Variants in AGO1 observed in about 807,000 individuals in gnomAD.
AGO1 encodes the protein argonaute RISC component 1.
In AGO1, 11 loss-of-function variants were observed where a neutral mutation model predicts 109.2. That is an observed-to-expected ratio of 0.10 (90% confidence interval 0.06 to 0.17). AGO1 has a LOEUF of 0.17. AGO1 is among the 10% of genes least tolerant of loss of function. AGO1 has a pLI of 1.00. For missense variants in AGO1, 574 were observed against 1,140.3 expected, an observed-to-expected ratio of 0.50 and a Z score of 7.15; for synonymous variants, 422 against 418.6, an observed-to-expected ratio of 1.01 and a Z score of -0.10.
chr1:35,914,921 A>G (rs1225288760), intron 14 of AGO1, among the ~76,000 whole-genome samples: 1 of 152,180 alleles, frequency 6.6e-6, no homozygotes, highest in Admixed American at 6.5e-5. Context: ...CCACAAGAAC[A>G]CTGTTACTAT....
rs1645828797 is a variant in AGO1 at position 35,921,330 on chromosome 1, T to C, written c.*1723T>C. On this transcript the variant is annotated 3_prime_UTR_variant, in exon 19 of 19. Transcript: ENST00000373204. ...TCTTGAGACATGGGGTTTGGCTGTCTTGCAGGACTGGAGAAGGTGGTGGTT... is the reference window on the plus strand; with the variant it reads ...TCTTGAGACATGGGGTTTGGCTGTCCTGCAGGACTGGAGAAGGTGGTGGTT... The C allele has an allele frequency of 6.6e-6, 1 of 150,682 alleles. No individual in the cohort carries two copies. The highest frequency in any genetic ancestry group is 3.1e-3 in the Middle Eastern group (1 of 318). The allele number at this position is 150,682 out of a possible 1,614,324, so 9.3% of individuals were successfully genotyped here.
intron 15 of AGO1, 75 bp from the exon 16 acceptor site, chr1:35,917,518 T>C (rs1645754926): frequency 8.7e-6 from 13 of 1,486,210 alleles, no homozygotes; most frequent in Non-Finnish European, 1.2e-5. Context: ...TGGCAACTCC[T>C]TAGTTCAGAA....
At position 35,901,548 on chromosome 1, in the gene AGO1, C is replaced by T; in HGVS notation, c.1095C>T (p.Ala365=). The change falls in exon 9 of 19, where the codon GCC becomes GCT. Residue 365 remains alanine, a synonymous_variant. Coordinates refer to ENST00000373204, the MANE Select transcript of AGO1 (RefSeq NM_012199.5). The surrounding 1 kb of genome is among the most constrained non-coding windows in gnomAD (Gnocchi z 4.8). ...ACCAGACCTCGACCATGATAAAGGC[C>T]ACAGCTAGATCCGCTCCAGACAGAC... ...TDNQTSTMIK[A]TARSAPDRQE... is the part of the protein sequence containing the mutation. 2 of 1,614,124 alleles carry T rather than the reference C, an allele frequency of 1.2e-6. No homozygotes were observed. Among genetic ancestry groups the T allele is most frequent in the Non-Finnish European group, 1.7e-6 (2 of 1,180,016 alleles).
At chr1:35,915,071 C>T (rs1645710238) in intron 14 of AGO1, among the ~76,000 whole-genome samples, 1 of 152,106 alleles carries the variant, frequency 6.6e-6, no homozygotes, top group Non-Finnish European at 1.5e-5. Context: ...TTATCAAGTA[C>T]CTACTGTGGG....
intron 1 of AGO1, among the ~76,000 whole-genome samples, chr1:35,870,283 G>GT (rs1461135109): frequency 1.3e-5 from 2 of 150,970 alleles, no homozygotes; most frequent in Non-Finnish European, 3.0e-5. Flanking sequence ...TTTTGTTGTT[G>GT]TTTTTTGTTT....
Position 35,930,082 on chromosome 1 carries a change from G to A in AGO1, c.*10475G>A, listed in dbSNP as rs1278971952. On this transcript the variant is annotated 3_prime_UTR_variant, in exon 19 of 19. Transcript: ENST00000373204. ...ATGATTCCTCAGCCTGAATAAAATA[G>A]TATGTTTCATTAAGGCAACAAATAT... 2.6e-5 allele frequency: 4 copies of A among 152,184 alleles called. No homozygotes were observed. Among genetic ancestry groups the A allele is most frequent in the Non-Finnish European group, 5.9e-5 (4 of 68,032 alleles). The allele number at this position is 152,184 out of a possible 1,614,324, so 9.4% of individuals were successfully genotyped here.
intron 12 of AGO1, 128 bp downstream of exon 12, chr1:35,907,247 CCTCTT>C (rs1645539409): frequency 1.2e-6 from 1 of 823,884 alleles, no homozygotes; most frequent in African/African-American, 1.7e-5. Flanking sequence ...TGTCAGTGCT[CCTCTT>C]ATAGGAGAAA....
At chr1:35,903,822 G>T (rs983563376) in intron 11 of AGO1, among the ~76,000 whole-genome samples, 51 of 151,806 alleles carry the variant, frequency 3.4e-4, no homozygotes, top group Non-Finnish European at 6.8e-4. Flanking sequence ...AATTAGCCGG[G>T]CGTGGTGGCG....
intron 1 of AGO1, among the ~76,000 whole-genome samples, chr1:35,871,068 G>A (rs1167787551): frequency 3.3e-5 from 5 of 152,204 alleles, no homozygotes; most frequent in Non-Finnish European, 7.3e-5. Flanking sequence ...TCTTGGCAAT[G>A]CAGAAGATTT....
chr1:35,893,917 G>T lies in AGO1; in HGVS notation c.649+107G>T, dbSNP rs1645268712. 2 of 1,529,976 alleles carry T rather than the reference G, an allele frequency of 1.3e-6. No homozygotes were observed. The highest frequency in any genetic ancestry group is 1.8e-6 in the Non-Finnish European group (2 of 1,134,070). 94.8% of individuals were successfully genotyped at this position (1,529,976 alleles called of 1,614,324 possible). ...CCACACTCCTAGTCTAATTCCTACA[G>T]CCCTGGCACCCCCTTCCCCCATCCC... On this transcript the variant is annotated intron_variant, in intron 5 of 18. Transcript: ENST00000373204. The surrounding 1 kb of genome is among the most constrained non-coding windows in gnomAD (Gnocchi z 5.6).
At chr1:35,871,279 C>G (rs1644947406) in intron 1 of AGO1, among the ~76,000 whole-genome samples, 1 of 152,132 alleles carries the variant, frequency 6.6e-6, no homozygotes, top group Non-Finnish European at 1.5e-5. Context: ...GGCGAGGTGG[C>G]TCATGCTTGT....
At position 35,928,070 on chromosome 1, in the gene AGO1, A is replaced by G. The variant is rs929744265; in HGVS notation, c.*8463A>G. 4.6e-5 allele frequency: 7 copies of G among 152,216 alleles called. No homozygotes were observed. Among genetic ancestry groups the G allele is most frequent in the Non-Finnish European group, 1.0e-4 (7 of 68,050 alleles). 9.4% of individuals were successfully genotyped at this position (152,216 alleles called of 1,614,324 possible). ...AGTAGAAAGTCCTAAGCAGAGTAGA[A>G]TAATAGCGGCAGCAGGGAGGGAAGT... On this transcript the variant is annotated 3_prime_UTR_variant, in exon 19 of 19. Coordinates refer to ENST00000373204, the MANE Select transcript of AGO1 (RefSeq NM_012199.5).
rs1013363402 is a variant in AGO1, at chr1:35,924,738, G to A, written c.*5131G>A. 5 of 152,266 alleles carry A rather than the reference G, an allele frequency of 3.3e-5. No homozygotes were observed. The highest frequency in any genetic ancestry group is 1.2e-4 in the African/African-American group (5 of 41,460). 9.4% of individuals were successfully genotyped at this position (152,266 alleles called of 1,614,324 possible). A position where few individuals can be genotyped will look rare whatever the true frequency, so the allele number is the denominator to read the frequency against. On this transcript the variant is annotated 3_prime_UTR_variant, in exon 19 of 19. Coordinates refer to ENST00000373204, the MANE Select transcript of AGO1 (RefSeq NM_012199.5). Reference sequence around the variant, plus strand: ...CAGGTTTCTCCTTGACCATAGGAGTGTGTTGGGACATTCTGCCAGTCAAGA... The same window carrying A: ...CAGGTTTCTCCTTGACCATAGGAGTATGTTGGGACATTCTGCCAGTCAAGA...
At position 35,891,676 on chromosome 1, in the gene AGO1, C is replaced by T. The variant is rs534806161; in HGVS notation, c.210-881C>T. Among the ~76,000 whole-genome samples, 31 of 151,250 alleles carry T rather than the reference C, an allele frequency of 2.0e-4. No homozygotes were observed. In the South Asian group the frequency reaches 5.4e-3, roughly 27 times the overall value. On this transcript the variant is annotated intron_variant, in intron 2 of 18. Transcript: ENST00000373204. ...GCCTCTCAGGCTCAAGTGATCCTCC[C>T]GCTTCAGCCTCCTGAGTAGCTGGGA... is the stretch of plus-strand genomic sequence containing the variant.
Position 35,914,238 on chromosome 1 carries a change from C to A in AGO1, c.1797C>A (p.Pro599=), listed in dbSNP as rs150639776. The A allele has an allele frequency of 1.9e-6, 3 of 1,614,076 alleles. No individual in the cohort carries two copies. The highest frequency in any genetic ancestry group is 2.2e-5 in the East Asian group (1 of 44,908). The change falls in exon 14 of 19, where the codon CCC becomes CCA. Residue 599 remains proline, a synonymous_variant. Transcript: ENST00000373204. ...TCCTGGGAGCAGATGTTACACACCCCCCAGCAGGGGATGGGAAAAAACCTT... is the reference window on the plus strand; with the variant it reads ...TCCTGGGAGCAGATGTTACACACCCACCAGCAGGGGATGGGAAAAAACCTT... ...VIFLGADVTH[P]PAGDGKKPSI...
intron 1 of AGO1, among the ~76,000 whole-genome samples, chr1:35,871,071 G>T (rs1644945957): frequency 6.6e-6 from 1 of 152,190 alleles, no homozygotes; most frequent in South Asian, 2.1e-4. Flanking sequence ...TGGCAATGCA[G>T]AAGATTTTCT....
chr1:35,882,465 C>T (rs1016609354), upstream of AGO1, among the ~76,000 whole-genome samples: 2 of 152,154 alleles, frequency 1.3e-5, no homozygotes, highest in Non-Finnish European at 2.9e-5. The surrounding 1 kb of genome is among the most constrained non-coding windows in gnomAD (Gnocchi z 5.1). Flanking sequence ...AGTAGAGGCA[C>T]AGTGACAGAT....
At chr1:35,880,819 T>C (rs1298414366), upstream of AGO1, among the ~76,000 whole-genome samples, 1 of 152,012 alleles carries the variant, frequency 6.6e-6, no homozygotes, top group South Asian at 2.1e-4. Flanking sequence ...GCCATTATGC[T>C]CAGCTAATTT....
intron 1 of AGO1, among the ~76,000 whole-genome samples, chr1:35,877,970 G>A (rs1410163694): frequency 6.6e-6 from 1 of 150,792 alleles, no homozygotes; most frequent in East Asian, 2.0e-4. Flanking sequence ...GGATTACAGG[G>A]GTGAGCCACT....
Sources: gnomAD v4.1 joint callset for allele counts (sites outside exome capture counted in the v4.1 genomes callset) on GRCh38, gnomAD v4.1.1 for gene constraint, Gnocchi (gnomAD v3.1) non-coding constraint, MANE v1.5 for transcripts, NCBI Gene and HGNC (gene_info 2026-07-23, HGNC 2026-07-21) for gene names.